AP1G1: variants seen among roughly 807,000 people sequenced by gnomAD.
The protein encoded by AP1G1 is AP-1 complex subunit gamma-1.
A neutral mutation model predicts 108.3 loss-of-function variants in AP1G1; 7 were observed. The ratio of observed to expected loss-of-function variants is 0.06; its 90% CI spans 0.04 to 0.12. AP1G1 has a LOEUF of 0.12. AP1G1 is among the 10% of genes least tolerant of loss of function. The pLI, the probability that AP1G1 is intolerant of heterozygous loss-of-function variation, is 1.00. For synonymous variants in AP1G1, 379 were observed against 353.5 expected (o/e 1.07, Z -0.81); for missense variants, 756 against 1,010.7 (o/e 0.75, Z 3.42).
chr16:71,801,871 G>A (rs1031989243), intron 1 of AP1G1, among the ~76,000 whole-genome samples: 3 of 148,738 alleles, frequency 2.0e-5, no homozygotes, highest in African/African-American at 5.0e-5. Context: ...GCAGTGAGCC[G>A]AGATTGCGCC....
At chr16:71,758,230 A>G (rs1319730895) in intron 11 of AP1G1, among the ~76,000 whole-genome samples, 1 of 152,242 alleles carries the variant, frequency 6.6e-6, no homozygotes, top group Non-Finnish European at 1.5e-5. Flanking sequence ...TAAGTTCTAC[A>G]TATTCTACAA....
chr16:71,764,434 A>C lies in AP1G1; in HGVS notation c.834T>G (p.Thr278=). 2 of 1,607,102 alleles carry C rather than the reference A, an allele frequency of 1.2e-6. No homozygotes were observed. Among genetic ancestry groups the C allele is most frequent in the Non-Finnish European group, 1.7e-6 (2 of 1,175,388 alleles). The change falls in exon 9 of 23, where the codon ACT becomes ACG. Residue 278 remains threonine (T), a synonymous_variant. Coordinates refer to ENST00000299980, the MANE Select transcript of AP1G1 (RefSeq NM_001128.6). ...NDILAQVATN[T]ETSKNVGNAI... is the part of the protein sequence containing the mutation. ...CATTTCCTACATTTTTACTAGTCTC[A>C]GTATTAGTGGCAACCTGAAAAGACA...
At chr16:71,792,114 G>A (rs569244867) in intron 1 of AP1G1, among the ~76,000 whole-genome samples, 1 of 152,226 alleles carries the variant, frequency 6.6e-6, no homozygotes, top group East Asian at 1.9e-4. Flanking sequence ...CCTCAAAAAT[G>A]AAGTCATTTT....
intron 10 of AP1G1, among the ~76,000 whole-genome samples, chr16:71,760,606 A>G (rs2031039799): frequency 6.6e-6 from 1 of 151,470 alleles, no homozygotes; most frequent in Non-Finnish European, 1.5e-5. Flanking sequence ...ATGCAGTGGC[A>G]TGATCACAGC....
chr16:71,746,924 C>A, intron 16 of AP1G1: 1 of 349,766 alleles, frequency 2.9e-6, no homozygotes, highest in Non-Finnish European at 5.3e-6. Flanking sequence ...TATGCCATCC[C>A]CATTCAGCAA....
At chr16:71,794,835 C>CTTTTTTT (rs55761928) in intron 1 of AP1G1, among the ~76,000 whole-genome samples, 910 of 39,628 alleles carry the variant, frequency 0.023, 105 homozygotes, top group Middle Eastern at 0.088. Flanking sequence ...ATGAGAAGTG[C>CTTTTTTT]TTTTTTTTTT....
chr16:71,793,328 A>C (rs1195005439), intron 1 of AP1G1, among the ~76,000 whole-genome samples: 1 of 152,186 alleles, frequency 6.6e-6, no homozygotes, highest in Non-Finnish European at 1.5e-5. Context: ...GTGACACATC[A>C]ACACACTATA....
chr16:71,745,445 C>G (rs371366204), intron 18 of AP1G1, 28 bp downstream of exon 18: 16 of 1,613,788 alleles, frequency 9.9e-6, no homozygotes, highest in Non-Finnish European at 1.4e-5. Flanking sequence ...GTAAGAAGCC[C>G]CAGATGAGCA....
intron 9 of AP1G1, among the ~76,000 whole-genome samples, chr16:71,762,039 C>A (rs1351726884): frequency 6.6e-6 from 1 of 151,858 alleles, no homozygotes; most frequent in Non-Finnish European, 1.5e-5. Flanking sequence ...ATTGATCTGA[C>A]AAACAACTGT....
chr16:71,801,479 T>C (rs925024564), intron 1 of AP1G1, among the ~76,000 whole-genome samples: 5 of 152,204 alleles, frequency 3.3e-5, no homozygotes, highest in Non-Finnish European at 7.3e-5. Context: ...AATTCATTCA[T>C]AATCTGTTAA....
intron 14 of AP1G1, 29 bp downstream of exon 14, chr16:71,750,181 C>A (rs2030411149): frequency 1.9e-6 from 3 of 1,603,414 alleles, no homozygotes; most frequent in Non-Finnish European, 2.5e-6. Context: ...GTAAAATTAC[C>A]CCCTAAAATA....
At chr16:71,741,905 C>T (rs2029889877) in intron 19 of AP1G1, among the ~76,000 whole-genome samples, 1 of 152,178 alleles carries the variant, frequency 6.6e-6, no homozygotes, top group Non-Finnish European at 1.5e-5. Context: ...AAAAGTATAG[C>T]AAGGTAGTTT....
intron 2 of AP1G1, among the ~76,000 whole-genome samples, chr16:71,777,271 G>A (rs1399432938): frequency 1.3e-5 from 2 of 151,564 alleles, no homozygotes; most frequent in Non-Finnish European, 2.9e-5. Context: ...AGGACATGAG[G>A]CTAGGGGATG....
intron 1 of AP1G1, among the ~76,000 whole-genome samples, chr16:71,798,022 G>C (rs2032647521): frequency 6.6e-6 from 1 of 151,992 alleles, no homozygotes; most frequent in Non-Finnish European, 1.5e-5. Flanking sequence ...AAAATACGTA[G>C]GAATAAATTT....
At chr16:71,754,288 A>AGAAGGAAG (rs374197630) in intron 12 of AP1G1, among the ~76,000 whole-genome samples, 1 of 150,992 alleles carries the variant, frequency 6.6e-6, no homozygotes, top group African/African-American at 2.4e-5. Context: ...ATGGAAGGAA[A>AGAAGGAAG]GAAGGAAGGA....
At chr16:71,763,157 T>A (rs2031170841) in intron 9 of AP1G1, among the ~76,000 whole-genome samples, 1 of 151,926 alleles carries the variant, frequency 6.6e-6, no homozygotes, top group African/African-American at 2.4e-5. Context: ...GGCCAGGAGT[T>A]CAAGATCAGC....
intron 15 of AP1G1, among the ~76,000 whole-genome samples, chr16:71,749,299 C>T (rs60419106): frequency 1.5e-4 from 23 of 151,682 alleles, no homozygotes; most frequent in Non-Finnish European, 2.8e-4. Context: ...CTGGGCAACA[C>T]GGTGAAACCC....
intron 15 of AP1G1, among the ~76,000 whole-genome samples, chr16:71,749,145 G>A (rs929906898): frequency 4.6e-5 from 7 of 151,974 alleles, no homozygotes; most frequent in African/African-American, 1.2e-4. Flanking sequence ...CACCCTGCAG[G>A]TGACCTCATG....
chr16:71,736,823 G>A (rs2045555385), intron 21 of AP1G1, among the ~76,000 whole-genome samples: 1 of 147,436 alleles, frequency 6.8e-6, no homozygotes, highest in Non-Finnish European at 1.5e-5. Context: ...TCAATCTCCT[G>A]ACCTCGTGGG....
Sources: allele counts gnomAD v4.1 joint callset (sites outside exome capture counted in the v4.1 genomes callset), GRCh38; gene constraint gnomAD v4.1.1; transcripts MANE v1.5; gene names NCBI Gene and HGNC (gene_info 2026-07-23, HGNC 2026-07-21).